Variants in NEUROD4 observed in about 807,000 individuals in gnomAD.
NEUROD4 encodes neuronal differentiation 4.
NEUROD4 carries 16 observed loss-of-function variants against 19.8 expected under a neutral mutation model. The ratio of observed to expected loss-of-function variants is 0.81; its 90% CI spans 0.55 to 1.23. The LOEUF is 1.23. Among genes scored for constraint, NEUROD4 ranks in the 50% most tolerant of loss-of-function variants. The probability of loss-of-function intolerance (pLI) is 0.00; values close to 1 mark genes in which losing one functional copy is unlikely to be tolerated. For synonymous variants in NEUROD4, 153 were observed against 147.9 expected, an observed-to-expected ratio of 1.03 and a Z score of -0.25; for missense variants, 439 against 398.6, an observed-to-expected ratio of 1.10 and a Z score of -0.86.
chr12:55,027,626 A>G lies in NEUROD4; in HGVS notation c.*191A>G. 1.8e-6 allele frequency: 1 copy of G among 569,252 alleles called. No homozygotes were observed. Among genetic ancestry groups the G allele is most frequent in the Non-Finnish European group, 3.1e-6 (1 of 319,840 alleles). The allele number at this position is 569,252 out of a possible 1,614,324, so 35.3% of individuals were successfully genotyped here. A position where few individuals can be genotyped will look rare whatever the true frequency, so the allele number is the denominator to read the frequency against. The stretch of plus-strand genomic sequence containing the variant: ...CTTCTCACATTGCATTGATTTCTTT[A>G]TAGAGTCCTCAAGTGAAAATATTTG... On this transcript the variant is annotated 3_prime_UTR_variant, in exon 2 of 2. Transcript: ENST00000242994.
rs1342756561 is a variant in NEUROD4 at position 55,027,038 on chromosome 12, A to G, written c.599A>G (p.His200Arg). ...SPICDSAISV[H>R]NFNYQSPGLP... The stretch of plus-strand genomic sequence containing the variant: ...ATTTGTGACTCTGCCATCTCTGTCC[A>G]CAACTTCAACTATCAGTCTCCGGGG... Residue 200 changes from histidine to arginine, a missense_variant, in exon 2 of 2, where the codon CAC becomes CGC. Transcript: ENST00000242994. 3 of 1,614,132 alleles carry G rather than the reference A, an allele frequency of 1.9e-6. No homozygotes were observed. Among genetic ancestry groups the G allele is most frequent in the South Asian group, 2.2e-5 (2 of 91,078 alleles).
chr12:55,022,161 CAAAA>C (rs1217967156), intron 1 of NEUROD4, among the ~76,000 whole-genome samples: 5 of 152,012 alleles, frequency 3.3e-5, no homozygotes, highest in African/African-American at 1.2e-4. Context: ...CCTAAGGGTA[CAAAA>C]ATTACAATAA....
Position 55,027,123 on chromosome 12 carries a change from A to G in NEUROD4, c.684A>G (p.Val228=), listed in dbSNP as rs1033858193. Residue 228 remains valine, a synonymous_variant, in exon 2 of 2, where the codon GTA becomes GTG. Coordinates refer to ENST00000242994, the MANE Select transcript of NEUROD4 (RefSeq NM_021191.3). The part of the protein sequence containing the change: ...ETHLLHLKPQ[V]FKSLGESSFG... Reference sequence around the variant, plus strand: ...ATCTCCTTCATCTCAAGCCCCAAGTATTCAAGAGTTTGGGAGAATCGTCCT... The same window carrying G: ...ATCTCCTTCATCTCAAGCCCCAAGTGTTCAAGAGTTTGGGAGAATCGTCCT... 2 of 1,614,020 alleles carry G rather than the reference A, an allele frequency of 1.2e-6. No individual in the cohort carries two copies. The highest frequency in any genetic ancestry group is 2.7e-5 in the African/African-American group (2 of 74,934).
rs1952664676 is a variant in NEUROD4, at chr12:55,020,067, G to C, written c.-256G>C. 1 of 152,360 alleles carries C rather than the reference G, an allele frequency of 6.6e-6. No individual in the cohort carries two copies. Among genetic ancestry groups the C allele is most frequent in the African/African-American group, 2.4e-5 (1 of 41,468 alleles). 9.4% of individuals were successfully genotyped at this position (152,360 alleles called of 1,614,324 possible). A position where few individuals can be genotyped will look rare whatever the true frequency, so the allele number is the denominator to read the frequency against. ...GAGGTACTGAAGAGCGACTAAACTG[G>C]CTGCAGCGGAGAGATCAGCCCGAAG... is the stretch of plus-strand genomic sequence containing the variant. On this transcript the variant is annotated 5_prime_UTR_variant, in exon 1 of 2. Coordinates refer to ENST00000242994, the MANE Select transcript of NEUROD4 (RefSeq NM_021191.3).
At chr12:55,025,225 G>A (rs1461780941) in intron 1 of NEUROD4, among the ~76,000 whole-genome samples, 1 of 152,138 alleles carries the variant, frequency 6.6e-6, no homozygotes, top group Non-Finnish European at 1.5e-5. Flanking sequence ...GTCTCTTCTG[G>A]TTTTCAAATA....
intron 1 of NEUROD4, among the ~76,000 whole-genome samples, chr12:55,021,691 T>C (rs1952674586): frequency 1.3e-5 from 2 of 152,110 alleles, no homozygotes; most frequent in Non-Finnish European, 2.9e-5. Flanking sequence ...ATATGAGAAA[T>C]ATTTTGAATT....
chr12:55,024,267 G>A (rs554598769), intron 1 of NEUROD4, among the ~76,000 whole-genome samples: 151 of 152,182 alleles, frequency 9.9e-4, no homozygotes, highest in African/African-American at 3.4e-3. Context: ...TGTGATAGAA[G>A]AAGAACAAGG....
rs1049731417 is a variant in NEUROD4 at position 55,028,944 on chromosome 12, G to A, written c.*1509G>A. On this transcript the variant is annotated 3_prime_UTR_variant, in exon 2 of 2. Transcript: ENST00000242994. ...TTTCCTATCTTGTTCAATCAGCCAGGACAGTTATTTAAGTCAAACCAGAGC... is the reference window on the plus strand; with the variant it reads ...TTTCCTATCTTGTTCAATCAGCCAGAACAGTTATTTAAGTCAAACCAGAGC... 1.2e-5 allele frequency: 2 copies of A among 166,888 alleles called. No homozygotes were observed. Among genetic ancestry groups the A allele is most frequent in the South Asian group, 4.1e-4 (2 of 4,830 alleles). 10.3% of individuals were successfully genotyped at this position (166,888 alleles called of 1,614,324 possible). A position where few individuals can be genotyped will look rare whatever the true frequency, so the allele number is the denominator to read the frequency against.
At chr12:55,024,434 G>A (rs956724310) in intron 1 of NEUROD4, among the ~76,000 whole-genome samples, 2 of 152,066 alleles carry the variant, frequency 1.3e-5, no homozygotes. Context: ...CTCCCTCAAA[G>A]GTTTTCTATA....
chr12:55,024,410 A>AT (rs1378770926), intron 1 of NEUROD4, among the ~76,000 whole-genome samples: 1 of 152,228 alleles, frequency 6.6e-6, no homozygotes, highest in African/African-American at 2.4e-5. Flanking sequence ...TAAAATGAGC[A>AT]TAAAAATTTC....
At chr12:55,023,303 G>T (rs1952687845) in intron 1 of NEUROD4, among the ~76,000 whole-genome samples, 1 of 152,218 alleles carries the variant, frequency 6.6e-6, no homozygotes, top group Non-Finnish European at 1.5e-5. Context: ...CACACTAGTT[G>T]ATACAGTCTG....
In NEUROD4 at chr12:55,026,815, A is replaced by G. The variant is rs1952738493; in HGVS notation, c.376A>G (p.Ile126Val). Residue 126 changes from isoleucine (I) to valine (V), a missense_variant, in exon 2 of 2, where the codon ATA becomes GTA. Transcript: ENST00000242994. ...CYSKTQKLSK[I>V]ETLRLARNYI... ...CTCTAAAACCCAAAAACTTTCCAAG[A>G]TAGAGACTCTTAGACTGGCCAGGAA... is the stretch of plus-strand genomic sequence containing the variant. 6.2e-7 allele frequency: 1 copy of G among 1,614,166 alleles called. No individual in the cohort carries two copies. The highest frequency in any genetic ancestry group is 8.5e-7 in the Non-Finnish European group (1 of 1,180,010).
At position 55,029,948 on chromosome 12, in the gene NEUROD4, A is replaced by G. The variant is rs965276512; in HGVS notation, c.*2513A>G. On this transcript the variant is annotated 3_prime_UTR_variant, in exon 2 of 2. Transcript: ENST00000242994. ...GATAAAGTAAAATAATTGTTTAAAT[A>G]TTTTGTTTAAAATATGACTGTTTTT... 1 of 166,942 alleles carries G rather than the reference A, an allele frequency of 6.0e-6. No homozygotes were observed. Among genetic ancestry groups the G allele is most frequent in the Non-Finnish European group, 1.5e-5 (1 of 68,112 alleles). 10.3% of individuals were successfully genotyped at this position (166,942 alleles called of 1,614,324 possible).
Position 55,027,100 on chromosome 12 carries a change from C to T in NEUROD4, c.661C>T (p.Leu221Phe). Residue 221 changes from leucine (L) to phenylalanine (F), a missense_variant, in exon 2 of 2, where the codon CTC becomes TTC. By Grantham distance (22) the Leu-to-Phe change is conservative (BLOSUM62 0). Transcript: ENST00000242994. The part of the protein sequence containing the change: ...SPPYGHMETH[L>F]LHLKPQVFKS... ...TCCTTATGGTCATATGGAAACACATCTCCTTCATCTCAAGCCCCAAGTATT... is the reference window on the plus strand; with the variant it reads ...TCCTTATGGTCATATGGAAACACATTTCCTTCATCTCAAGCCCCAAGTATT... 6.2e-7 allele frequency: 1 copy of T among 1,614,156 alleles called. No individual in the cohort carries two copies. The highest frequency in any genetic ancestry group is 1.1e-5 in the South Asian group (1 of 91,084).
chr12:55,021,779 TA>T (rs1191620214), intron 1 of NEUROD4, among the ~76,000 whole-genome samples: 1 of 152,182 alleles, frequency 6.6e-6, no homozygotes, highest in African/African-American at 2.4e-5. Context: ...TGTGTAGGTA[TA>T]AAAGAAAATC....
In NEUROD4 at chr12:55,028,142, A is replaced by G. The variant is rs1417871352; in HGVS notation, c.*707A>G. 1 of 166,496 alleles carries G rather than the reference A, an allele frequency of 6.0e-6. No individual in the cohort carries two copies. Among genetic ancestry groups the G allele is most frequent in the Non-Finnish European group, 1.5e-5 (1 of 68,106 alleles). 10.3% of individuals were successfully genotyped at this position (166,496 alleles called of 1,614,324 possible). Reference sequence around the variant, plus strand: ...CTAACTCTATTTGTTATTAGACTAAAAGTTGAACATATCTTCCTTATGATT... The same window carrying G: ...CTAACTCTATTTGTTATTAGACTAAGAGTTGAACATATCTTCCTTATGATT... On this transcript the variant is annotated 3_prime_UTR_variant, in exon 2 of 2. Transcript: ENST00000242994.
rs1436950682 is a variant in NEUROD4, at chr12:55,026,583, T to C, written c.144T>C (p.Thr48=). The C allele has an allele frequency of 6.2e-7, 1 of 1,613,622 alleles. No individual in the cohort carries two copies. Among genetic ancestry groups the C allele is most frequent in the African/African-American group, 1.3e-5 (1 of 74,758 alleles). Residue 48 remains threonine (T), a synonymous_variant, in exon 2 of 2, where the codon ACT becomes ACC. Transcript: ENST00000242994. ...CTTATGGGATGCTCAGCAGCTTAAC[T>C]GAAGAGCATGACAGTATTGAGGAAG... ...PGTYGMLSSL[T]EEHDSIEEEE...
chr12:55,023,970 G>T (rs982492826), intron 1 of NEUROD4, among the ~76,000 whole-genome samples: 3 of 152,100 alleles, frequency 2.0e-5, no homozygotes, highest in African/African-American at 7.2e-5. Context: ...AGGTAGGGAT[G>T]GTGAAAAAGG....
Position 55,027,466 on chromosome 12 carries a change from C to T in NEUROD4, c.*31C>T, listed in dbSNP as rs2656804. The T allele has an allele frequency of 0.32, 492,661 of 1,550,202 alleles. 81,810 individuals are homozygous for T. The highest frequency in any genetic ancestry group is 0.51 in the African/African-American group (37,202 of 72,772). ...TTAAGTTCAATGTTTCAGAGAATGA[C>T]GTGGAGACATTTTCCATAATTCAAG... On this transcript the variant is annotated 3_prime_UTR_variant, in exon 2 of 2. Coordinates refer to ENST00000242994, the MANE Select transcript of NEUROD4 (RefSeq NM_021191.3).
Sources: gnomAD v4.1 joint callset for allele counts (sites outside exome capture counted in the v4.1 genomes callset) on GRCh38, gnomAD v4.1.1 for gene constraint, MANE v1.5 for transcripts, NCBI Gene and HGNC (gene_info 2026-07-23, HGNC 2026-07-21) for gene names.